PIGB: variants seen among roughly 807,000 people sequenced by gnomAD.
The protein encoded by PIGB is phosphatidylinositol glycan anchor biosynthesis class B, also known as GPI alpha-1,2-mannosyltransferase 3.
In PIGB, 58 loss-of-function variants were observed where a neutral mutation model predicts 68.4. That is an observed-to-expected ratio of 0.85 (90% CI 0.69 to 1.06). The LOEUF (loss-of-function observed/expected upper bound fraction) is 1.06, where lower values mean the gene tolerates loss of function less well. Ranked by LOEUF, PIGB falls within the 50% of genes least tolerant of loss-of-function variation. The probability of loss-of-function intolerance (pLI) is 0.00; values close to 1 mark genes in which losing one functional copy is unlikely to be tolerated. For missense variants in PIGB, 634 were observed against 655.8 expected (o/e 0.97, Z 0.36); for synonymous variants, 219 against 220.5 (o/e 0.99, Z 0.06).
intron 9 of PIGB, chr15:55,350,459 G>C: frequency 2.0e-6 from 1 of 501,218 alleles, no homozygotes; most frequent in South Asian, 3.0e-5. Context: ...ATCTGGACCT[G>C]TTGGACTCCA....
At chr15:55,349,374 T>G (rs1012361602) in intron 9 of PIGB, 1 of 150,368 alleles carries the variant, frequency 6.7e-6, no homozygotes, top group Non-Finnish European at 1.5e-5. Flanking sequence ...AAATGGAGTC[T>G]CACTATGTTG....
In PIGB at chr15:55,350,727, G is replaced by A. The variant is rs1043773780; in HGVS notation, c.1152G>A (p.Trp384Ter). The A allele has an allele frequency of 6.8e-6, 11 of 1,613,302 alleles. No individual in the cohort carries two copies. The African/African-American group carries it at 1.5e-4, about 22-fold the overall frequency. Residue 384 changes from tryptophan to a stop codon, truncating the protein, a stop_gained, in exon 10 of 12, where the codon TGG (tryptophan) becomes TGA (stop). Transcript: ENST00000164305. LOFTEE classifies it high-confidence loss of function. ...ACTCATTAACCCACCTGAAAACATG[G>A]AAGAAACCAGCTCTAAGTTTCCTGT... Reference protein sequence around the residue: ...CGYSLTHLKTWKKPALSFLFL... With the variant: ...CGYSLTHLKT
chr15:55,340,965 G>A (rs1295005733), intron 8 of PIGB, 142 bp downstream of exon 8: 1 of 580,626 alleles, frequency 1.7e-6, no homozygotes, highest in Non-Finnish European at 3.0e-6. Context: ...ACAAGTAGTA[G>A]TAATTATGGA....
chr15:55,319,543 C>T, intron 1 of PIGB, 130 bp downstream of exon 1: 1 of 639,702 alleles, frequency 1.6e-6, no homozygotes, highest in Non-Finnish European at 2.6e-6. Flanking sequence ...CTGGGAAATG[C>T]TGGAAACACA....
chr15:55,340,880 T>C, intron 8 of PIGB, 57 bp downstream of exon 8: 2 of 1,130,892 alleles, frequency 1.8e-6, no homozygotes, highest in Non-Finnish European at 2.5e-6. Flanking sequence ...GAAATCAAAT[T>C]AAATTCTTCA....
chr15:55,330,980 A>C lies in PIGB; in HGVS notation c.653+1126A>C, dbSNP rs192855453. Among the ~76,000 whole-genome samples, 17 of 152,362 alleles carry C rather than the reference A, an allele frequency of 1.1e-4. No individual in the cohort carries two copies. In the East Asian group the frequency reaches 3.1e-3, roughly 28 times the overall value. ...GCTAGGACTGGAAGAAAACTGTAGA[A>C]TATCTGAGCCACACAAATGAATTGA... is the stretch of plus-strand genomic sequence containing the variant. On this transcript the variant is annotated intron_variant, in intron 5 of 11. Transcript: ENST00000164305.
At chr15:55,352,760 A>G (rs1205484820) in intron 10 of PIGB, among the ~76,000 whole-genome samples, 4 of 152,212 alleles carry the variant, frequency 2.6e-5, no homozygotes, top group African/African-American at 9.7e-5. Flanking sequence ...CAACCTAAAA[A>G]TAAATAAATA....
intron 4 of PIGB, among the ~76,000 whole-genome samples, chr15:55,328,098 T>G (rs142036369): frequency 1.3e-5 from 2 of 152,214 alleles, no homozygotes; most frequent in African/African-American, 2.4e-5. Flanking sequence ...AAGTATTAGG[T>G]TGGTGCAAAA....
chr15:55,321,218 A>G, intron 2 of PIGB, 55 bp from the exon 3 acceptor site: 1 of 1,462,620 alleles, frequency 6.8e-7, no homozygotes. Context: ...AAAAAAAAAA[A>G]AAACACGGAA....
At position 55,350,918 on chromosome 15, in the gene PIGB, A is replaced by G; in HGVS notation, c.1337+6A>G. On this transcript the variant is annotated splice_donor_region_variant and intron_variant, in intron 10 of 11. Transcript: ENST00000164305. ...CACTCTACTCCTTATTACAGGTAAT[A>G]AAAGATGTTCCACTATATGCTGTTA... 2 of 1,437,398 alleles carry G rather than the reference A, an allele frequency of 1.4e-6. No homozygotes were observed. Among genetic ancestry groups the G allele is most frequent in the Non-Finnish European group, 1.9e-6 (2 of 1,026,002 alleles). The allele number at this position is 1,437,398 out of a possible 1,614,324, so 89.0% of individuals were successfully genotyped here.
In PIGB at chr15:55,355,522, T is replaced by C; in HGVS notation, c.*90T>C. The C allele has an allele frequency of 9.3e-7, 1 of 1,070,316 alleles. No homozygotes were observed. Among genetic ancestry groups the C allele is most frequent in the Non-Finnish European group, 1.4e-6 (1 of 740,404 alleles). The allele number at this position is 1,070,316 out of a possible 1,614,324, so 66.3% of individuals were successfully genotyped here. A position where few individuals can be genotyped will look rare whatever the true frequency, so the allele number is the denominator to read the frequency against. On this transcript the variant is annotated 3_prime_UTR_variant, in exon 12 of 12. Transcript: ENST00000164305. Reference sequence around the variant, plus strand: ...AACACTGGGTAAGATTCATGGAACTTAGAAAAAAGCTGTATGAACTGCTTT... The same window carrying C: ...AACACTGGGTAAGATTCATGGAACTCAGAAAAAAGCTGTATGAACTGCTTT...
intron 5 of PIGB, among the ~76,000 whole-genome samples, chr15:55,330,953 T>C (rs982571353): frequency 1.3e-5 from 2 of 152,218 alleles, no homozygotes; most frequent in Non-Finnish European, 2.9e-5. Flanking sequence ...TCAAGCCTTG[T>C]GGCTAGGACT....
At chr15:55,345,040 C>T (rs1189572370) in intron 9 of PIGB, among the ~76,000 whole-genome samples, 1 of 151,838 alleles carries the variant, frequency 6.6e-6, no homozygotes, top group African/African-American at 2.4e-5. Context: ...GAATTACAGG[C>T]CCATGCCACC....
chr15:55,347,669 G>A (rs17238269), intron 9 of PIGB, among the ~76,000 whole-genome samples: 4,375 of 152,140 alleles, frequency 0.029, 66 homozygotes, highest in Non-Finnish European at 0.035. Context: ...GACTCTCCCT[G>A]GCATTGTTCA....
chr15:55,351,022 A>T, intron 10 of PIGB, 110 bp downstream of exon 10: 1 of 622,832 alleles, frequency 1.6e-6, no homozygotes, highest in Non-Finnish European at 2.8e-6. Context: ...CAAATGATAA[A>T]TTTTAAACTC....
chr15:55,334,086 G>T (rs2055483490), intron 6 of PIGB, 79 bp downstream of exon 6: 1 of 1,040,564 alleles, frequency 9.6e-7, no homozygotes, highest in East Asian at 2.8e-5. Flanking sequence ...ACATCTTTCA[G>T]TTAATTATTT....
At chr15:55,334,034 T>G (rs1309782145) in intron 6 of PIGB, 27 bp downstream of exon 6, 4 of 1,505,396 alleles carry the variant, frequency 2.7e-6, no homozygotes, top group Non-Finnish European at 3.6e-6. Flanking sequence ...TCCATCCATT[T>G]ATTTTAGTAG....
At chr15:55,323,087 C>T (rs546007778) in intron 3 of PIGB, among the ~76,000 whole-genome samples, 28 of 152,302 alleles carry the variant, frequency 1.8e-4, no homozygotes, top group Admixed American at 3.3e-4. Flanking sequence ...CTAAAAGGAA[C>T]TCATTGTCGT....
At chr15:55,344,525 T>C (rs528150926) in intron 9 of PIGB, among the ~76,000 whole-genome samples, 1 of 152,360 alleles carries the variant, frequency 6.6e-6, no homozygotes, top group Admixed American at 6.5e-5. Flanking sequence ...GCCAACCTCA[T>C]AGTGGGATGG....
Sources: allele counts gnomAD v4.1 joint callset (sites outside exome capture counted in the v4.1 genomes callset), GRCh38; gene constraint gnomAD v4.1.1; transcripts MANE v1.5; gene names NCBI Gene and HGNC (gene_info 2026-07-23, HGNC 2026-07-21).